Variants in FSTL5 observed in about 807,000 individuals in gnomAD.
FSTL5 encodes the protein follistatin like 5.
FSTL5 carries 62 observed loss-of-function variants against 89.1 expected under a neutral mutation model. The observed-to-expected ratio is 0.70, with a 90% CI of 0.57 to 0.86. FSTL5 has a LOEUF of 0.86. Ranked by LOEUF, FSTL5 falls within the 40% of genes least tolerant of loss-of-function variation. FSTL5 has a pLI of 0.00. For synonymous variants in FSTL5, 383 were observed against 346.2 expected, an observed-to-expected ratio of 1.11 and a Z score of -1.18; for missense variants, 1,057 against 1,001.6, an observed-to-expected ratio of 1.06 and a Z score of -0.75.
chr4:162,028,188 G>C (rs1200169777), intron 3 of FSTL5, among the ~76,000 whole-genome samples: 1 of 152,128 alleles, frequency 6.6e-6, no homozygotes, highest in African/African-American at 2.4e-5. Flanking sequence ...GAGTATAATA[G>C]ACAAAAATAC....
chr4:161,532,195 A>G (rs6810733), intron 10 of FSTL5, among the ~76,000 whole-genome samples: 149,284 of 150,612 alleles, frequency 0.99, 73,996 homozygotes, highest in Middle Eastern at 1. Flanking sequence ...GCAAGACTCC[A>G]TCTCCAAAAA....
At position 162,079,171 on chromosome 4, in the gene FSTL5, T is replaced by C. The variant is rs577576556; in HGVS notation, c.126+32100A>G. 5.9e-5 allele frequency among the ~76,000 whole-genome samples: 9 copies of C among 151,774 alleles called. No homozygotes were observed. In the South Asian group the frequency reaches 1.5e-3, roughly 24 times the overall value. ...TTCTCCTATGGGTTTACATAACAAGTGTAGGTGGTGGTTAGCTTTCTAATT... is the reference window on the plus strand; with the variant it reads ...TTCTCCTATGGGTTTACATAACAAGCGTAGGTGGTGGTTAGCTTTCTAATT... On this transcript the variant is annotated intron_variant, in intron 2 of 15. Coordinates refer to ENST00000306100, the MANE Select transcript of FSTL5 (RefSeq NM_020116.5).
chr4:161,559,005 T>G (rs772397091), intron 8 of FSTL5, among the ~76,000 whole-genome samples: 1 of 151,936 alleles, frequency 6.6e-6, no homozygotes, highest in Non-Finnish European at 1.5e-5. Flanking sequence ...CCTGCACAAA[T>G]CCATTCTTCA....
At chr4:161,876,602 C>T (rs568119070) in intron 4 of FSTL5, among the ~76,000 whole-genome samples, 59 of 152,176 alleles carry the variant, frequency 3.9e-4, no homozygotes, top group Admixed American at 7.2e-4. Context: ...TGGCTACACG[C>T]GGTGGCTCAT....
At chr4:161,918,483 A>G (rs1304603924) in intron 4 of FSTL5, among the ~76,000 whole-genome samples, 1 of 152,168 alleles carries the variant, frequency 6.6e-6, no homozygotes, top group Non-Finnish European at 1.5e-5. Context: ...CTCAAAGAAC[A>G]AAAGTTCTTC....
At chr4:161,670,626 C>T (rs1737065976) in intron 6 of FSTL5, among the ~76,000 whole-genome samples, 2 of 152,158 alleles carry the variant, frequency 1.3e-5, no homozygotes, top group Non-Finnish European at 2.9e-5. Flanking sequence ...CAAACTGCTA[C>T]TACTGATAAA....
At chr4:162,155,903 G>C (rs1284128904) in intron 1 of FSTL5, among the ~76,000 whole-genome samples, 1 of 152,186 alleles carries the variant, frequency 6.6e-6, no homozygotes, top group African/African-American at 2.4e-5. Context: ...TAAAGCAGCA[G>C]AGAGTGTCAA....
At chr4:162,151,434 T>C (rs770041851) in intron 1 of FSTL5, among the ~76,000 whole-genome samples, 6 of 152,186 alleles carry the variant, frequency 3.9e-5, no homozygotes, top group Non-Finnish European at 7.3e-5. Context: ...GTTTTAAAAG[T>C]TTGAAAGGTT....
At chr4:161,741,407 G>A (rs1740023932) in intron 6 of FSTL5, among the ~76,000 whole-genome samples, 3 of 152,130 alleles carry the variant, frequency 2.0e-5, no homozygotes, top group African/African-American at 2.4e-5. Context: ...TTTAAAGGTA[G>A]AGGGTTGAGC....
intron 2 of FSTL5, among the ~76,000 whole-genome samples, chr4:162,066,314 C>CTTCT (rs756347359): frequency 0.033 from 1,661 of 50,408 alleles, 19 homozygotes; most frequent in South Asian, 0.039. Flanking sequence ...TCTTCTTCTT[C>CTTCT]TTCTTCTTCT....
chr4:161,626,937 A>G (rs998852790), intron 7 of FSTL5, among the ~76,000 whole-genome samples: 1 of 152,214 alleles, frequency 6.6e-6, no homozygotes, highest in African/African-American at 2.4e-5. Context: ...GTAGCACTAT[A>G]AAAGTTGAAC....
At chr4:161,508,276 T>C (rs1325535251) in intron 11 of FSTL5, among the ~76,000 whole-genome samples, 1 of 152,064 alleles carries the variant, frequency 6.6e-6, no homozygotes, top group Non-Finnish European at 1.5e-5. Flanking sequence ...CTTACAGAAG[T>C]CTGTGAATCA....
chr4:161,393,261 GA>G (rs1223363679), intron 15 of FSTL5, among the ~76,000 whole-genome samples: 1 of 150,864 alleles, frequency 6.6e-6, no homozygotes, highest in Non-Finnish European at 1.5e-5. Flanking sequence ...GATAGTAACT[GA>G]AAAAAAAATT....
intron 12 of FSTL5, 60 bp downstream of exon 12, chr4:161,499,956 C>A: frequency 1.0e-6 from 1 of 954,926 alleles, no homozygotes; most frequent in Non-Finnish European, 1.7e-6. Flanking sequence ...ATTTCCAAAA[C>A]GTAATTCTAC....
At chr4:162,146,774 T>TC (rs1733014078) in intron 1 of FSTL5, among the ~76,000 whole-genome samples, 3 of 108,028 alleles carry the variant, frequency 2.8e-5, no homozygotes, top group East Asian at 2.8e-4. Flanking sequence ...CTCTCTCTCT[T>TC]TCTTTCTTTG....
chr4:161,831,971 A>G lies in FSTL5; in HGVS notation c.410-55897T>C, dbSNP rs17041632. On this transcript the variant is annotated intron_variant, in intron 4 of 15. Coordinates refer to ENST00000306100, the MANE Select transcript of FSTL5 (RefSeq NM_020116.5). ...AGTGATTCAGATACTAATAAGAGAC[A>G]TTGACCAGTTAAAACCATGAATTCA... Among the ~76,000 whole-genome samples, 870 of 152,128 alleles carry G rather than the reference A, an allele frequency of 5.7e-3. 9 individuals are homozygous for G. Among genetic ancestry groups the G allele is most frequent in the African/African-American group, 0.02 (819 of 41,550 alleles).
At chr4:161,915,880 A>T (rs1158189615) in intron 4 of FSTL5, among the ~76,000 whole-genome samples, 1 of 152,178 alleles carries the variant, frequency 6.6e-6, no homozygotes. Context: ...TATTAACATA[A>T]AACAGAAGCT....
chr4:161,998,240 C>CT (rs1015936970), intron 3 of FSTL5, among the ~76,000 whole-genome samples: 35 of 152,018 alleles, frequency 2.3e-4, no homozygotes, highest in African/African-American at 8.4e-4. Flanking sequence ...TTCTTTGTTT[C>CT]TTTTTTTTAT....
At chr4:161,652,210 G>T (rs989176762) in intron 7 of FSTL5, among the ~76,000 whole-genome samples, 44 of 152,242 alleles carry the variant, frequency 2.9e-4, no homozygotes, top group African/African-American at 1.0e-3. Flanking sequence ...GCCAAAGCAG[G>T]AGGATCACTT....
Sources: allele counts gnomAD v4.1 joint callset (sites outside exome capture counted in the v4.1 genomes callset), GRCh38; gene constraint gnomAD v4.1.1; transcripts MANE v1.5; gene names NCBI Gene and HGNC (gene_info 2026-07-23, HGNC 2026-07-21).